Variants in HCFC2 observed in about 807,000 individuals in gnomAD.
HCFC2 encodes host cell factor 2.
Under a neutral mutation model 89.2 loss-of-function variants are expected in HCFC2, and 18 were observed. The observed-to-expected ratio is 0.20, with a 90% CI of 0.14 to 0.30. HCFC2 has a LOEUF of 0.30. HCFC2 is among the 10% of genes least tolerant of loss of function. HCFC2 has a pLI of 1.00. For missense variants in HCFC2, 578 were observed against 956.1 expected, an observed-to-expected ratio of 0.60 and a Z score of 5.21; for synonymous variants, 308 against 335.7, an observed-to-expected ratio of 0.92 and a Z score of 0.90.
chr12:104,100,704 TCTA>T (rs1468711465), intron 13 of HCFC2, among the ~76,000 whole-genome samples: 2 of 152,214 alleles, frequency 1.3e-5, no homozygotes, highest in African/African-American at 4.8e-5. Flanking sequence ...TTTTAGTTGC[TCTA>T]CTATTACTCC....
chr12:104,082,377 A>C, intron 5 of HCFC2, 123 bp from the exon 6 acceptor site: 1 of 619,818 alleles, frequency 1.6e-6, no homozygotes, highest in Non-Finnish European at 2.9e-6. Context: ...TGACAATGGT[A>C]AGCGAATGAA....
intron 9 of HCFC2, among the ~76,000 whole-genome samples, chr12:104,093,017 G>A (rs1356455118): frequency 6.6e-6 from 1 of 152,038 alleles, no homozygotes; most frequent in Non-Finnish European, 1.5e-5. Flanking sequence ...ATATTTTTAG[G>A]ATACATGTCT....
At chr12:104,094,958 C>T (rs980834542) in intron 10 of HCFC2, among the ~76,000 whole-genome samples, 8 of 152,120 alleles carry the variant, frequency 5.3e-5, no homozygotes, top group African/African-American at 1.9e-4. Context: ...AAATCTTCTG[C>T]AATGGAAGAC....
intron 3 of HCFC2, among the ~76,000 whole-genome samples, chr12:104,078,493 A>G (rs537901782): frequency 1.3e-5 from 2 of 152,324 alleles, no homozygotes; most frequent in African/African-American, 4.8e-5. Flanking sequence ...AAAACTTCAA[A>G]ACATCCATGA....
chr12:104,064,918 G>T lies in HCFC2; in HGVS notation c.163+195G>T. On this transcript the variant is annotated intron_variant, in intron 1 of 14. Transcript: ENST00000229330. This position sits in a 1 kb window ranked among gnomAD's most constrained non-coding sequence, Gnocchi z 7.3. ...CGGACCGCAGCTCAGGATCTCCGGG[G>T]CCCTTGGGGCGCAACGGACCCCGAG... 1 of 435,164 alleles carries T rather than the reference G, an allele frequency of 2.3e-6. No individual in the cohort carries two copies. Among genetic ancestry groups the T allele is most frequent in the South Asian group, 6.4e-5 (1 of 15,664 alleles). 27.0% of individuals were successfully genotyped at this position (435,164 alleles called of 1,614,324 possible). A position where few individuals can be genotyped will look rare whatever the true frequency, so the allele number is the denominator to read the frequency against.
At chr12:104,080,587 TTATG>T (rs1883655487) in intron 4 of HCFC2, 155 bp from the exon 5 acceptor site, 3 of 455,698 alleles carry the variant, frequency 6.6e-6, no homozygotes, top group African/African-American at 2.1e-5. Context: ...GATTGGCAGT[TTATG>T]TAAGCTGGAA....
intron 3 of HCFC2, among the ~76,000 whole-genome samples, chr12:104,069,815 C>T (rs1251204051): frequency 6.6e-6 from 1 of 152,068 alleles, no homozygotes; most frequent in East Asian, 1.9e-4. Context: ...GCCCCGCATG[C>T]ATTAGGTATT....
In HCFC2 at chr12:104,095,480, C is replaced by T. The variant is rs761772896; in HGVS notation, c.1583C>T (p.Thr528Ile). The T allele has an allele frequency of 5.0e-6, 8 of 1,613,638 alleles. No homozygotes were observed. The highest frequency in any genetic ancestry group is 6.8e-6 in the Non-Finnish European group (8 of 1,179,720). Residue 528 changes from threonine to isoleucine, a missense_variant, in exon 11 of 15, where the codon ACC becomes ATC. Coordinates refer to ENST00000229330, the MANE Select transcript of HCFC2 (RefSeq NM_013320.3). The surrounding 1 kb of genome is among the most constrained non-coding windows in gnomAD (Gnocchi z 4.2). ...ACACAAACTATGGTAACCCAGCAGA[C>T]CATTAAAACTGAATCATCCAGTACA... is the stretch of plus-strand genomic sequence containing the variant. Reference protein sequence around the residue: ...SSTQTMVTQQTIKTESSSTNG... With the variant: ...SSTQTMVTQQIIKTESSSTNG...
chr12:104,083,727 T>A (rs934210572), intron 7 of HCFC2, among the ~76,000 whole-genome samples: 10 of 152,084 alleles, frequency 6.6e-5, no homozygotes, highest in Admixed American at 2.6e-4. Context: ...TAAAAGATTT[T>A]AAAAAAATAT....
At chr12:104,075,457 CT>C (rs35657094) in intron 3 of HCFC2, among the ~76,000 whole-genome samples, 21 of 118,048 alleles carry the variant, frequency 1.8e-4, no homozygotes, top group East Asian at 4.8e-4. Context: ...TGTTCCTAAC[CT>C]TTTTTTTTTT....
intron 7 of HCFC2, among the ~76,000 whole-genome samples, chr12:104,085,858 C>T (rs1883820734): frequency 6.6e-6 from 1 of 151,842 alleles, no homozygotes; most frequent in Non-Finnish European, 1.5e-5. Flanking sequence ...GTTCTTAACT[C>T]TGTTAAATGA....
At chr12:104,065,312 C>G (rs1021417587) in intron 1 of HCFC2, 3 of 152,320 alleles carry the variant, frequency 2.0e-5, no homozygotes, top group Admixed American at 2.0e-4. Flanking sequence ...TGTGGACGCC[C>G]TTCTGGACTG....
At chr12:104,084,183 CAAAG>C (rs1883764877) in intron 7 of HCFC2, among the ~76,000 whole-genome samples, 1 of 152,180 alleles carries the variant, frequency 6.6e-6, no homozygotes, top group African/African-American at 2.4e-5. Context: ...CCTGCTCTCA[CAAAG>C]AACTTACATT....
chr12:104,074,224 G>A (rs567196146), intron 3 of HCFC2, among the ~76,000 whole-genome samples: 3 of 152,202 alleles, frequency 2.0e-5, no homozygotes, highest in Non-Finnish European at 2.9e-5. Flanking sequence ...CTGCACCCTC[G>A]ACCTCCTAGG....
At position 104,102,160 on chromosome 12, in the gene HCFC2, C is replaced by CATCG; in HGVS notation, c.2064+8_2064+11dup. ...TGCAGTCAGAATTTCAAAGGTGAGA[C>CATCG]ATCGGGTCAAGACTTGTTGGTGATT... On this transcript the variant is annotated splice_region_variant and intron_variant, in intron 14 of 14. Coordinates refer to ENST00000229330, the MANE Select transcript of HCFC2 (RefSeq NM_013320.3). 3.7e-6 allele frequency: 6 copies of CATCG among 1,611,352 alleles called. No individual in the cohort carries two copies. The highest frequency in any genetic ancestry group is 5.1e-6 in the Non-Finnish European group (6 of 1,177,960).
At chr12:104,102,211 G>T (rs1593614588) in intron 14 of HCFC2, 58 bp downstream of exon 14, 1 of 1,413,586 alleles carries the variant, frequency 7.1e-7, no homozygotes, top group Non-Finnish European at 9.7e-7. Context: ...TTTCACATGT[G>T]AAGTAAACTG....
intron 9 of HCFC2, among the ~76,000 whole-genome samples, chr12:104,092,797 A>C (rs1173568565): frequency 6.6e-6 from 1 of 152,176 alleles, no homozygotes; most frequent in East Asian, 1.9e-4. Flanking sequence ...AGTAGTAATA[A>C]TTTTTTTTAA....
rs764804459 is a variant in HCFC2 at position 104,082,916 on chromosome 12, T to TTGGCCGGGCGCGGTGGCTCACGCCTG, written c.1063+16_1063+17insGGCCGGGCGCGGTGGCTCACGCCTGT. On this transcript the variant is annotated intron_variant, in intron 7 of 14. Transcript: ENST00000229330. ...TCTTGATACTGGTAGGTAAGAATAT[T>TTGGCCGGGCGCGGTGGCTCACGCCTG]TAACAAATAAACTTTTTCCTTTAGG... 2 of 1,570,328 alleles carry TTGGCCGGGCGCGGTGGCTCACGCCTG rather than the reference T, an allele frequency of 1.3e-6. No individual in the cohort carries two copies. Among genetic ancestry groups the TTGGCCGGGCGCGGTGGCTCACGCCTG allele is most frequent in the Non-Finnish European group, 8.6e-7 (1 of 1,159,288 alleles).
rs372744184 is a variant in HCFC2, at chr12:104,066,140, C to T, written c.164-27C>T. 4.5e-5 allele frequency: 73 copies of T among 1,606,542 alleles called. No individual in the cohort carries two copies. The African/African-American group carries it at 7.1e-4, about 16-fold the overall frequency. Reference sequence around the variant, plus strand: ...TATGATAACCGTTGTTTGTTATAATCGGTTTTCATTTTATTTTGGCAACTA... The same window carrying T: ...TATGATAACCGTTGTTTGTTATAATTGGTTTTCATTTTATTTTGGCAACTA... On this transcript the variant is annotated intron_variant, in intron 1 of 14. Transcript: ENST00000229330.
Sources: gnomAD v4.1 joint callset for allele counts (sites outside exome capture counted in the v4.1 genomes callset) on GRCh38, gnomAD v4.1.1 for gene constraint, Gnocchi (gnomAD v3.1) non-coding constraint, MANE v1.5 for transcripts, NCBI Gene and HGNC (gene_info 2026-07-23, HGNC 2026-07-21) for gene names.